Variants in C2orf76 observed in about 807,000 individuals in gnomAD.
C2orf76 encodes the protein chromosome 2 open reading frame 76.
A neutral mutation model predicts 16.9 loss-of-function variants in C2orf76; 23 were observed. The observed-to-expected ratio is 1.36, with a 90% CI of 0.98 to 1.93. The LOEUF (loss-of-function observed/expected upper bound fraction) is 1.93. C2orf76 is among the 30% of genes most tolerant of loss of function. The pLI is 0.00. For missense variants in C2orf76, 152 were observed against 152.6 expected, an observed-to-expected ratio of 1.00 and a Z score of 0.02; for synonymous variants, 48 against 52.3, an observed-to-expected ratio of 0.92 and a Z score of 0.35.
At chr2:119,298,776 G>T (rs1355577883), downstream of C2orf76, among the ~76,000 whole-genome samples, 1 of 151,934 alleles carries the variant, frequency 6.6e-6, no homozygotes, top group African/African-American at 2.4e-5. Flanking sequence ...CAGCACTCAA[G>T]TCTCTTAGTT....
intron 2 of C2orf76, among the ~76,000 whole-genome samples, chr2:119,324,690 G>A (rs1679452897): frequency 6.6e-6 from 1 of 152,174 alleles, no homozygotes; most frequent in Non-Finnish European, 1.5e-5. Flanking sequence ...TCAGCCCAAG[G>A]TGTCAAGAGC....
chr2:119,284,552 C>T, the C2orf76 span, among the ~76,000 whole-genome samples: 4 of 152,200 alleles, frequency 2.6e-5, no homozygotes, highest in South Asian at 8.3e-4. Context: ...CATACATTAC[C>T]AAATTACCTC....
chr2:119,360,197 G>C lies in C2orf76; in HGVS notation c.-13+6593C>G, dbSNP rs151070984. Among the ~76,000 whole-genome samples, 76 of 152,214 alleles carry C rather than the reference G, an allele frequency of 5.0e-4. 1 individual carries two copies. The East Asian group carries it at 0.014, about 29-fold the overall frequency. ...ATCTTTAATTCAGATATGTACATTTGAGGCCAGGCACGGTGGCTCATGCCT... is the reference window on the plus strand; with the variant it reads ...ATCTTTAATTCAGATATGTACATTTCAGGCCAGGCACGGTGGCTCATGCCT... On this transcript the variant is annotated intron_variant, in intron 1 of 5. Coordinates refer to ENST00000334816, the MANE Select transcript of C2orf76 (RefSeq NM_001322331.2).
At chr2:119,315,354 G>A (rs1273047546) in intron 4 of C2orf76, among the ~76,000 whole-genome samples, 1 of 152,156 alleles carries the variant, frequency 6.6e-6, no homozygotes, top group Non-Finnish European at 1.5e-5. Flanking sequence ...TTTTATGAAT[G>A]AGTTCATTAA....
At chr2:119,303,255 C>T (rs1254981270) in intron 5 of C2orf76, among the ~76,000 whole-genome samples, 1 of 152,240 alleles carries the variant, frequency 6.6e-6, no homozygotes, top group African/African-American at 2.4e-5. Flanking sequence ...AGGTCAAGGA[C>T]TGCGTCTTCT....
the C2orf76 span, among the ~76,000 whole-genome samples, chr2:119,285,484 C>G: frequency 6.6e-6 from 1 of 152,212 alleles, no homozygotes; most frequent in Non-Finnish European, 1.5e-5. Flanking sequence ...TCCCGTTTCC[C>G]TGTTCATGTG....
rs768382652 is a variant in C2orf76 at position 119,339,900 on chromosome 2, A to G, written c.60T>C (p.Asn20=). 16 of 1,613,366 alleles carry G rather than the reference A, an allele frequency of 9.9e-6. No individual in the cohort carries two copies. The highest frequency in any genetic ancestry group is 1.4e-5 in the Non-Finnish European group (16 of 1,179,292). The change falls in exon 2 of 6, where the codon AAT becomes AAC. Residue 20 remains asparagine (N), a synonymous_variant. Coordinates refer to ENST00000334816, the MANE Select transcript of C2orf76 (RefSeq NM_001322331.2). ...VRLIRSFEHR[N]FKPVVYHGVN... is the part of the protein sequence containing the mutation. ...CTCCGTGATACACTACAGGTTTGAA[A>G]TTGCGATGTTCAAAGGAACGGATGA...
At chr2:119,357,633 C>T (rs547382699) in intron 1 of C2orf76, among the ~76,000 whole-genome samples, 1 of 150,510 alleles carries the variant, frequency 6.6e-6, no homozygotes, top group African/African-American at 2.4e-5. Context: ...CGTTAGACTT[C>T]ATAATGAAAG....
At chr2:119,345,963 G>A (rs1680185539) in intron 1 of C2orf76, among the ~76,000 whole-genome samples, 1 of 150,044 alleles carries the variant, frequency 6.7e-6, no homozygotes, top group African/African-American at 2.5e-5. Context: ...ACTGAGGCAG[G>A]AGAATGGCGT....
intron 1 of C2orf76, among the ~76,000 whole-genome samples, chr2:119,360,608 C>T (rs984456019): frequency 6.6e-6 from 1 of 151,680 alleles, no homozygotes; most frequent in Non-Finnish European, 1.5e-5. Context: ...AACTGTGACT[C>T]ATTTTGCTGT....
At chr2:119,322,120 G>GTATATA (rs375235101) in intron 2 of C2orf76, among the ~76,000 whole-genome samples, 1 of 150,236 alleles carries the variant, frequency 6.7e-6, no homozygotes, top group Non-Finnish European at 1.5e-5. Flanking sequence ...GTATATATGT[G>GTATATA]TATATATATA....
chr2:119,351,783 T>G (rs1466344173), intron 1 of C2orf76, among the ~76,000 whole-genome samples: 1 of 151,964 alleles, frequency 6.6e-6, no homozygotes, highest in East Asian at 1.9e-4. Flanking sequence ...CATAGTGTTG[T>G]CTTGTTTGAC....
chr2:119,343,446 A>G (rs1680097787), intron 1 of C2orf76, among the ~76,000 whole-genome samples: 1 of 147,814 alleles, frequency 6.8e-6, no homozygotes, highest in Non-Finnish European at 1.5e-5. Context: ...AAGCCCTCCC[A>G]TACACACGCA....
At chr2:119,352,238 A>G (rs749891160) in intron 1 of C2orf76, among the ~76,000 whole-genome samples, 2 of 152,244 alleles carry the variant, frequency 1.3e-5, no homozygotes, top group Non-Finnish European at 2.9e-5. Flanking sequence ...AATATTTTAT[A>G]AAGCATATAT....
At chr2:119,300,029 C>T (rs1317130879), downstream of C2orf76, among the ~76,000 whole-genome samples, 1 of 152,190 alleles carries the variant, frequency 6.6e-6, no homozygotes, top group Admixed American at 6.5e-5. Context: ...CAGGTCTCCA[C>T]TGGGAGGCTG....
Position 119,360,404 on chromosome 2 carries a change from G to C in C2orf76, c.-13+6386C>G, listed in dbSNP as rs542202364. Among the ~76,000 whole-genome samples the C allele has an allele frequency of 2.0e-5, 3 of 148,670 alleles. No individual in the cohort carries two copies. The Admixed American group carries it at 2.0e-4, about 10-fold the overall frequency. The stretch of plus-strand genomic sequence containing the variant: ...GGGCAGGAGAATCGCTTGAACCTGG[G>C]AGGCAGAAGTTGCAGTGAGCTGAGA... On this transcript the variant is annotated intron_variant, in intron 1 of 5. Transcript: ENST00000334816.
the C2orf76 span, among the ~76,000 whole-genome samples, chr2:119,294,010 C>T: frequency 3.9e-5 from 6 of 152,208 alleles, no homozygotes; most frequent in Admixed American, 1.3e-4. Context: ...GACTGAAATC[C>T]GGAGTCTGCA....
At chr2:119,305,406 A>T (rs1360416063) in intron 5 of C2orf76, among the ~76,000 whole-genome samples, 2 of 152,206 alleles carry the variant, frequency 1.3e-5, no homozygotes, top group African/African-American at 4.8e-5. Context: ...ATTAAATGCA[A>T]TGTATTTAAA....
rs545574439 is a variant in C2orf76 at position 119,356,902 on chromosome 2, T to C, written c.-13+9888A>G. On this transcript the variant is annotated intron_variant, in intron 1 of 5. Coordinates refer to ENST00000334816, the MANE Select transcript of C2orf76 (RefSeq NM_001322331.2). ...CATACATTTCACAGCACAGACAAAA[T>C]GGACCAATTTCTTAAAAAACTAAAA... Among the ~76,000 whole-genome samples the C allele has an allele frequency of 3.3e-5, 5 of 151,992 alleles. No homozygotes were observed. In the South Asian group the frequency reaches 1.0e-3, roughly 32 times the overall value.
Sources: allele counts gnomAD v4.1 joint callset (sites outside exome capture counted in the v4.1 genomes callset), GRCh38; gene constraint gnomAD v4.1.1; transcripts MANE v1.5; gene names NCBI Gene and HGNC (gene_info 2026-07-23, HGNC 2026-07-21).